The following PCDH15 variants were observed in gnomAD, a reference collection of about 807,000 sequenced individuals.
The protein encoded by PCDH15 is protocadherin-15.
In PCDH15, 129 loss-of-function variants were observed where a neutral mutation model predicts 178.5. The observed-to-expected ratio is 0.72, with a 90% confidence interval of 0.63 to 0.84. The LOEUF (loss-of-function observed/expected upper bound fraction) is 0.84, where lower values mean the gene tolerates loss of function less well. PCDH15 is among the 40% of genes least tolerant of loss of function. The pLI is 0.00. For missense variants in PCDH15, 2,230 were observed against 2,099.9 expected (o/e 1.06, Z -1.21); for synonymous variants, 800 against 732.0 (o/e 1.09, Z -1.50).
At chr10:55,159,287 T>C (rs2132110990) in intron 2 of PCDH15, among the ~76,000 whole-genome samples, 1 of 149,720 alleles carries the variant, frequency 6.7e-6, no homozygotes, top group South Asian at 2.1e-4. Context: ...TGTATCTATC[T>C]ATATATAGTT....
At chr10:54,444,612 C>G (rs2076034700) in intron 3 of PCDH15, among the ~76,000 whole-genome samples, 1 of 151,710 alleles carries the variant, frequency 6.6e-6, no homozygotes, top group African/African-American at 2.4e-5. Flanking sequence ...TGACCTAACT[C>G]TAAGCTAAAA....
chr10:55,599,881 T>C, intron 2 of PCDH15: 1 of 1,482,880 alleles, frequency 6.7e-7, no homozygotes, highest in Non-Finnish European at 9.0e-7. Context: ...ACTTGTTCCC[T>C]AAGTAGGGAC....
intron 2 of PCDH15, among the ~76,000 whole-genome samples, chr10:54,898,405 ATAATT>A (rs1307057974): frequency 6.6e-6 from 1 of 152,154 alleles, no homozygotes; most frequent in Admixed American, 6.6e-5. Flanking sequence ...TGAAAAAACT[ATAATT>A]TATTATGTTG....
chr10:54,302,757 T>TAAC (rs1317119509), intron 8 of PCDH15, among the ~76,000 whole-genome samples: 1 of 152,178 alleles, frequency 6.6e-6, no homozygotes, highest in Admixed American at 6.6e-5. Context: ...ACATAATAGG[T>TAAC]ACTCTAGTAG....
intron 1 of PCDH15, among the ~76,000 whole-genome samples, chr10:55,224,339 TTC>T (rs1209693775): frequency 3.3e-5 from 5 of 152,158 alleles, no homozygotes; most frequent in Non-Finnish European, 7.3e-5. Context: ...ATCTGTTTTC[TTC>T]TCTCCTTGCA....
chr10:54,899,982 G>A lies in PCDH15; in HGVS notation c.-79-2482C>T, dbSNP rs796094664. ...AGCCTCCCTAAAATGTTTCTCAATT[G>A]TAACAATTAGTATTCTTTATCTGCC... On this transcript the variant is annotated intron_variant, in intron 2 of 5. Coordinates refer to the PCDH15 transcript ENST00000458638. Among the ~76,000 whole-genome samples the A allele has an allele frequency of 1.8e-4, 28 of 151,398 alleles. 1 individual carries two copies. Among genetic ancestry groups the A allele is most frequent in the African/African-American group, 6.8e-4 (28 of 41,292 alleles).
chr10:55,159,212 C>G (rs191834369), intron 2 of PCDH15, among the ~76,000 whole-genome samples: 50 of 151,714 alleles, frequency 3.3e-4, no homozygotes, highest in Middle Eastern at 3.5e-3. Context: ...AAAATTAAAT[C>G]TAAAAAGCTG....
intron 2 of PCDH15, among the ~76,000 whole-genome samples, chr10:55,413,932 T>C (rs968562698): frequency 6.6e-6 from 1 of 151,620 alleles, no homozygotes; most frequent in Non-Finnish European, 1.5e-5. Context: ...AAAATAACCA[T>C]GTCTTTGTGT....
intron 28 of PCDH15, among the ~76,000 whole-genome samples, chr10:53,854,291 A>G (rs2078584060): frequency 6.6e-6 from 1 of 152,024 alleles, no homozygotes; most frequent in Admixed American, 6.6e-5. Context: ...TTTAATGGGT[A>G]CCAAATTTCA....
chr10:54,836,850 A>G (rs1953325675), intron 3 of PCDH15, among the ~76,000 whole-genome samples: 1 of 152,128 alleles, frequency 6.6e-6, no homozygotes, highest in Admixed American at 6.6e-5. Context: ...AGTTTGAAAA[A>G]TAATCAAAGT....
At chr10:55,333,693 T>G (rs1329157066) in intron 2 of PCDH15, among the ~76,000 whole-genome samples, 1 of 152,074 alleles carries the variant, frequency 6.6e-6, no homozygotes, top group Admixed American at 6.6e-5. Context: ...AGATTTGTCA[T>G]GATCTACTAA....
At chr10:54,052,956 A>G (rs2093810537) in intron 18 of PCDH15, among the ~76,000 whole-genome samples, 1 of 152,272 alleles carries the variant, frequency 6.6e-6, no homozygotes, top group East Asian at 1.9e-4. Flanking sequence ...TCCTGCCCCC[A>G]TGTGAAGAAG....
At chr10:55,051,390 C>T (rs1373564410) in intron 2 of PCDH15, among the ~76,000 whole-genome samples, 3 of 152,004 alleles carry the variant, frequency 2.0e-5, no homozygotes, top group African/African-American at 7.2e-5. Flanking sequence ...ATATAGTAAA[C>T]AGTAGCAATA....
At chr10:54,776,528 T>C (rs1949726244) in intron 1 of PCDH15, among the ~76,000 whole-genome samples, 2 of 152,316 alleles carry the variant, frequency 1.3e-5, no homozygotes, top group East Asian at 1.9e-4. Flanking sequence ...AATGATTTTC[T>C]GCCTGTATTT....
At chr10:55,476,639 T>C (rs1840067782) in intron 2 of PCDH15, among the ~76,000 whole-genome samples, 2 of 151,822 alleles carry the variant, frequency 1.3e-5, no homozygotes, top group South Asian at 4.2e-4. Context: ...AAAAAACATA[T>C]AGAAAAAAAT....
intron 2 of PCDH15, among the ~76,000 whole-genome samples, chr10:55,545,246 G>C (rs1312207180): frequency 6.7e-6 from 1 of 148,818 alleles, no homozygotes; most frequent in Non-Finnish European, 1.5e-5. Context: ...AACTAATATG[G>C]AAAAATAATG....
intron 15 of PCDH15, among the ~76,000 whole-genome samples, chr10:54,106,433 A>G (rs2094918728): frequency 6.6e-6 from 1 of 152,194 alleles, no homozygotes; most frequent in South Asian, 2.1e-4. Flanking sequence ...CCAGAGAGAA[A>G]CACAGAAAGT....
intron 2 of PCDH15, among the ~76,000 whole-genome samples, chr10:54,659,750 T>A (rs1040777790): frequency 8.9e-5 from 4 of 45,064 alleles, no homozygotes; most frequent in South Asian, 1.1e-3. Context: ...TAAGACCCTG[T>A]CTCAAAAAAA....
chr10:54,939,255 G>A (rs1837993817), intron 2 of PCDH15, among the ~76,000 whole-genome samples: 1 of 151,868 alleles, frequency 6.6e-6, no homozygotes, highest in Non-Finnish European at 1.5e-5. Flanking sequence ...AGTACTTTGG[G>A]AGGCTGAGGT....
Sources: gnomAD v4.1 joint callset for allele counts (sites outside exome capture counted in the v4.1 genomes callset) on GRCh38, gnomAD v4.1.1 for gene constraint, MANE v1.5 for transcripts, NCBI Gene and HGNC (gene_info 2026-07-23, HGNC 2026-07-21) for gene names.